CNTN5: variants seen among roughly 807,000 people sequenced by gnomAD.
CNTN5 encodes contactin-5.
Under a neutral mutation model 129.1 loss-of-function variants are expected in CNTN5, and 77 were observed. That is an observed-to-expected ratio of 0.60 (90% confidence interval 0.50 to 0.72). CNTN5 has a LOEUF of 0.72. CNTN5 is among the 30% of genes least tolerant of loss of function. The pLI is 0.00. For missense variants in CNTN5, 1,478 were observed against 1,328.8 expected (o/e 1.11, Z -1.75); for synonymous variants, 509 against 465.6 (o/e 1.09, Z -1.20).
At chr11:100,214,201 G>A (rs2138596141) in intron 15 of CNTN5, among the ~76,000 whole-genome samples, 1 of 152,164 alleles carries the variant, frequency 6.6e-6, no homozygotes, top group South Asian at 2.1e-4. Flanking sequence ...AAAAATGTAT[G>A]AAAGTTCTTC....
At chr11:99,810,757 T>G (rs1342307510) in intron 3 of CNTN5, among the ~76,000 whole-genome samples, 1 of 152,150 alleles carries the variant, frequency 6.6e-6, no homozygotes, top group Non-Finnish European at 1.5e-5. Flanking sequence ...TTAACATTAA[T>G]TCTCATCAAA....
intron 1 of CNTN5, among the ~76,000 whole-genome samples, chr11:99,145,076 T>A (rs1426809246): frequency 6.6e-6 from 1 of 152,166 alleles, no homozygotes; most frequent in East Asian, 1.9e-4. Context: ...TAATTTTTAT[T>A]TTTTATTGTT....
At chr11:99,104,608 ATG>A (rs777512213) in intron 1 of CNTN5, among the ~76,000 whole-genome samples, 2 of 126,500 alleles carry the variant, frequency 1.6e-5, no homozygotes, top group African/African-American at 6.0e-5. Context: ...TCTACCTACA[ATG>A]TGTGTGTATA....
intron 2 of CNTN5, among the ~76,000 whole-genome samples, chr11:99,397,456 T>A (rs192481285): frequency 1.7e-4 from 26 of 151,916 alleles, no homozygotes; most frequent in African/African-American, 6.3e-4. Context: ...CAACAGCATA[T>A]CTACACATAA....
At chr11:99,722,999 A>T (rs1565461967) in intron 3 of CNTN5, among the ~76,000 whole-genome samples, 1 of 150,540 alleles carries the variant, frequency 6.6e-6, no homozygotes, top group African/African-American at 2.4e-5. Context: ...CAACAACACT[A>T]TTTTTTTTTC....
chr11:100,188,913 A>G (rs1312692122), intron 13 of CNTN5, among the ~76,000 whole-genome samples: 1 of 152,260 alleles, frequency 6.6e-6, no homozygotes, highest in East Asian at 1.9e-4. Context: ...AATGAACGAG[A>G]TCTTGTCCTT....
At chr11:99,309,294 C>T (rs890463983) in intron 1 of CNTN5, among the ~76,000 whole-genome samples, 1 of 151,072 alleles carries the variant, frequency 6.6e-6, no homozygotes, top group African/African-American at 2.4e-5. Flanking sequence ...ATCATGGATC[C>T]TTCCTTAAAA....
intron 3 of CNTN5, among the ~76,000 whole-genome samples, chr11:99,798,506 C>T (rs962130126): frequency 6.6e-6 from 1 of 152,118 alleles, no homozygotes; most frequent in African/African-American, 2.4e-5. Flanking sequence ...ATCCCAGCAT[C>T]ATTTTTTGAA....
At chr11:99,578,137 G>T (rs1949427762) in intron 3 of CNTN5, among the ~76,000 whole-genome samples, 1 of 151,864 alleles carries the variant, frequency 6.6e-6, no homozygotes, top group African/African-American at 2.4e-5. Flanking sequence ...TTTCATCCAT[G>T]TCCCTACAAA....
intron 3 of CNTN5, among the ~76,000 whole-genome samples, chr11:99,592,745 T>C (rs561512175): frequency 2.6e-5 from 4 of 152,134 alleles, no homozygotes; most frequent in Non-Finnish European, 4.4e-5. Flanking sequence ...CTTTGTAAAT[T>C]TGAAGTAGAA....
At chr11:99,121,134 TC>T (rs1240390399) in intron 1 of CNTN5, among the ~76,000 whole-genome samples, 5,341 of 121,168 alleles carry the variant, frequency 0.044, 116 homozygotes, top group Non-Finnish European at 0.067. Context: ...TTTCTTTCTT[TC>T]TTTTTTTTTT....
chr11:99,067,977 G>T (rs1865172702), intron 1 of CNTN5, among the ~76,000 whole-genome samples: 2 of 152,092 alleles, frequency 1.3e-5, no homozygotes, highest in Non-Finnish European at 2.9e-5. Context: ...TATCAGGAGA[G>T]CTGATGGTTT....
At chr11:100,041,778 G>C (rs1210656310) in intron 9 of CNTN5, among the ~76,000 whole-genome samples, 1 of 152,160 alleles carries the variant, frequency 6.6e-6, no homozygotes, top group Admixed American at 6.5e-5. Context: ...GGCCATATCA[G>C]ATCATAATGT....
At chr11:99,503,301 A>G (rs1435394525) in intron 2 of CNTN5, among the ~76,000 whole-genome samples, 1 of 152,220 alleles carries the variant, frequency 6.6e-6, no homozygotes, top group African/African-American at 2.4e-5. Flanking sequence ...TTGGGTTGTC[A>G]AAACCGGGTG....
chr11:99,916,681 T>C (rs1370010632), intron 7 of CNTN5, among the ~76,000 whole-genome samples: 1 of 152,142 alleles, frequency 6.6e-6, no homozygotes, highest in African/African-American at 2.4e-5. Flanking sequence ...GTGAGTACTT[T>C]ATGTGGCTTG....
chr11:99,151,835 TAAGTG>T (rs1342128731), intron 1 of CNTN5, among the ~76,000 whole-genome samples: 5 of 151,206 alleles, frequency 3.3e-5, no homozygotes, highest in Non-Finnish European at 5.9e-5. Flanking sequence ...TTCTCACTCA[TAAGTG>T]GGAGGGGGAC....
intron 9 of CNTN5, among the ~76,000 whole-genome samples, chr11:100,015,956 G>T (rs932473392): frequency 6.6e-6 from 1 of 151,886 alleles, no homozygotes; most frequent in African/African-American, 2.4e-5. Context: ...GTTCATTCTT[G>T]TTCTTCCCAA....
At chr11:100,281,101 G>C (rs141036670) in intron 18 of CNTN5, among the ~76,000 whole-genome samples, 1 of 151,974 alleles carries the variant, frequency 6.6e-6, no homozygotes, top group Non-Finnish European at 1.5e-5. Context: ...TAGTCTTTCT[G>C]CTTAGGATAA....
chr11:100,130,063 A>G (rs1946325765), intron 13 of CNTN5, among the ~76,000 whole-genome samples: 1 of 152,180 alleles, frequency 6.6e-6, no homozygotes. Context: ...TAAGTGAAAT[A>G]AGCAAGTAAC....
Sources: allele counts gnomAD v4.1 joint callset (sites outside exome capture counted in the v4.1 genomes callset), GRCh38; gene constraint gnomAD v4.1.1; transcripts MANE v1.5; gene names NCBI Gene and HGNC (gene_info 2026-07-23, HGNC 2026-07-21).